Variants in RSPO2 observed in about 807,000 individuals in gnomAD.
The protein encoded by RSPO2 is R-spondin-2.
Under a neutral mutation model 30.9 loss-of-function variants are expected in RSPO2, and 14 were observed. That is an observed-to-expected ratio of 0.45 (90% CI 0.30 to 0.71). RSPO2 has a LOEUF of 0.71. Among genes scored for constraint, RSPO2 ranks in the 30% least tolerant of loss-of-function variants. The pLI is 0.08. For missense variants in RSPO2, 264 were observed against 301.9 expected (o/e 0.87, Z 0.93); for synonymous variants, 107 against 96.4 (o/e 1.11, Z -0.64).
intron 2 of RSPO2, among the ~76,000 whole-genome samples, chr8:108,030,370 T>A (rs979100000): frequency 6.6e-6 from 1 of 152,146 alleles, no homozygotes; most frequent in African/African-American, 2.4e-5. Flanking sequence ...TTGGGACATT[T>A]CAGAAGCTAG....
chr8:107,917,044 G>A (rs1317192011), intron 5 of RSPO2, among the ~76,000 whole-genome samples: 5 of 152,164 alleles, frequency 3.3e-5, no homozygotes, highest in African/African-American at 1.2e-4. Flanking sequence ...GTAATGAAAG[G>A]TTTTTGTTTG....
intron 5 of RSPO2, among the ~76,000 whole-genome samples, chr8:107,919,205 T>C (rs1184823196): frequency 2.0e-5 from 3 of 152,188 alleles, no homozygotes; most frequent in South Asian, 2.1e-4. Flanking sequence ...TCACCCTTTT[T>C]CCACCTTCTT....
At chr8:107,956,112 T>C (rs1813427127) in intron 5 of RSPO2, among the ~76,000 whole-genome samples, 1 of 152,216 alleles carries the variant, frequency 6.6e-6, no homozygotes, top group African/African-American at 2.4e-5. Context: ...GTGCTCAAGT[T>C]ACAAAGCTAA....
intron 2 of RSPO2, among the ~76,000 whole-genome samples, chr8:108,039,710 G>A (rs1811696395): frequency 6.6e-6 from 1 of 152,004 alleles, no homozygotes. Context: ...TCAACCTTAG[G>A]AGCATCCCAG....
At chr8:108,071,384 T>C (rs1460040131) in intron 2 of RSPO2, among the ~76,000 whole-genome samples, 1 of 152,190 alleles carries the variant, frequency 6.6e-6, no homozygotes, top group Admixed American at 6.5e-5. Context: ...GGCTTCTCTA[T>C]CACCACAACA....
intron 2 of RSPO2, among the ~76,000 whole-genome samples, chr8:108,018,541 C>T (rs1164157325): frequency 4.6e-5 from 7 of 152,170 alleles, no homozygotes; most frequent in East Asian, 1.9e-4. Context: ...CCAGCATTGG[C>T]TAAAATGTAC....
chr8:107,924,761 G>A (rs935064822), intron 5 of RSPO2, among the ~76,000 whole-genome samples: 2 of 151,806 alleles, frequency 1.3e-5, no homozygotes, highest in African/African-American at 4.8e-5. Flanking sequence ...AGTCATGCTA[G>A]GATGTCTGGT....
intron 3 of RSPO2, among the ~76,000 whole-genome samples, chr8:107,973,195 G>A (rs1473474079): frequency 2.0e-5 from 3 of 151,816 alleles, no homozygotes; most frequent in South Asian, 2.1e-4. Context: ...GCGTGAACCC[G>A]GGAGGCAGAG....
At chr8:108,030,192 A>G (rs1811377943) in intron 2 of RSPO2, among the ~76,000 whole-genome samples, 1 of 151,316 alleles carries the variant, frequency 6.6e-6, no homozygotes, top group African/African-American at 2.4e-5. Flanking sequence ...TTTCAGTTCC[A>G]ATCTAGGAGG....
chr8:108,059,074 G>A (rs1187246707), intron 2 of RSPO2, among the ~76,000 whole-genome samples: 1 of 151,720 alleles, frequency 6.6e-6, no homozygotes, highest in East Asian at 1.9e-4. Flanking sequence ...CCTACAAAAT[G>A]GGAGAAAATT....
At chr8:107,908,174 T>C (rs1313087381) in intron 5 of RSPO2, among the ~76,000 whole-genome samples, 4 of 152,170 alleles carry the variant, frequency 2.6e-5, no homozygotes, top group Non-Finnish European at 4.4e-5. Flanking sequence ...AGAAAATCTG[T>C]TCTTCGAGTG....
chr8:107,939,898 A>C (rs1269880974), intron 5 of RSPO2, among the ~76,000 whole-genome samples: 1 of 152,132 alleles, frequency 6.6e-6, no homozygotes, highest in African/African-American at 2.4e-5. Context: ...AAAAATTTAT[A>C]GTTGCTTAAT....
At chr8:107,952,939 A>T (rs1813303789) in intron 5 of RSPO2, among the ~76,000 whole-genome samples, 1 of 152,230 alleles carries the variant, frequency 6.6e-6, no homozygotes, top group African/African-American at 2.4e-5. Context: ...AAATTAAAAT[A>T]GTATACAGTA....
At chr8:108,066,945 T>C (rs1197258027) in intron 2 of RSPO2, among the ~76,000 whole-genome samples, 2 of 152,142 alleles carry the variant, frequency 1.3e-5, no homozygotes, top group Non-Finnish European at 2.9e-5. Context: ...CAGTATCACC[T>C]ACACAGTGTT....
chr8:107,909,254 C>A lies in RSPO2; in HGVS notation c.617-8064G>T, dbSNP rs1482569078. 4.0e-5 allele frequency among the ~76,000 whole-genome samples: 5 copies of A among 125,110 alleles called. No homozygotes were observed. In the East Asian group the frequency reaches 1.1e-3, roughly 29 times the overall value. The allele number at this position is 125,110 out of a possible 152,430, so 82.1% of individuals were successfully genotyped here. A position where few individuals can be genotyped will look rare whatever the true frequency, so the allele number is the denominator to read the frequency against. On this transcript the variant is annotated intron_variant, in intron 5 of 5. Transcript: ENST00000276659. Reference sequence around the variant, plus strand: ...TCAGTTATTCTCTCATATACTTTCCCAGTTGTTTTTTTTTTTTTTTTTTTT... The same window carrying A: ...TCAGTTATTCTCTCATATACTTTCCAAGTTGTTTTTTTTTTTTTTTTTTTT...
At chr8:108,058,096 G>C (rs1447931823) in intron 2 of RSPO2, among the ~76,000 whole-genome samples, 2 of 150,710 alleles carry the variant, frequency 1.3e-5, no homozygotes, top group African/African-American at 5.0e-5. Flanking sequence ...CATTCAGTAT[G>C]ATATTGGCTG....
intron 2 of RSPO2, among the ~76,000 whole-genome samples, chr8:108,079,598 T>G (rs1397087852): frequency 6.6e-6 from 1 of 152,078 alleles, no homozygotes; most frequent in Non-Finnish European, 1.5e-5. Context: ...GAAAATGATA[T>G]TATGGAGCAT....
intron 5 of RSPO2, among the ~76,000 whole-genome samples, chr8:107,921,871 T>C (rs937084736): frequency 7.2e-5 from 11 of 152,114 alleles, no homozygotes; most frequent in Non-Finnish European, 1.6e-4. Context: ...ATTACCTCAA[T>C]AGATACAGAA....
Position 107,914,563 on chromosome 8 carries a change from C to T in RSPO2, c.617-13373G>A, listed in dbSNP as rs999741388. 3.3e-5 allele frequency among the ~76,000 whole-genome samples: 5 copies of T among 151,920 alleles called. No homozygotes were observed. In the East Asian group the frequency reaches 5.8e-4, roughly 18 times the overall value. On this transcript the variant is annotated intron_variant, in intron 5 of 5. Coordinates refer to ENST00000276659, the MANE Select transcript of RSPO2 (RefSeq NM_178565.5). ...CAAAAACAGAATTGCAACTACAAAGCTATAACATAGTTATAATAATGTCTT... is the reference window on the plus strand; with the variant it reads ...CAAAAACAGAATTGCAACTACAAAGTTATAACATAGTTATAATAATGTCTT...
Sources: allele counts gnomAD v4.1 joint callset (sites outside exome capture counted in the v4.1 genomes callset), GRCh38; gene constraint gnomAD v4.1.1; transcripts MANE v1.5; gene names NCBI Gene and HGNC (gene_info 2026-07-23, HGNC 2026-07-21).